The following ANKS1B variants were observed in gnomAD, a reference collection of about 807,000 sequenced individuals.
ANKS1B encodes the protein ankyrin repeat and sterile alpha motif domain containing 1B, also known as ankyrin repeat and sterile alpha motif domain-containing protein 1B.
ANKS1B carries 36 observed loss-of-function variants against 148.3 expected under a neutral mutation model. The ratio of observed to expected loss-of-function variants is 0.24; its 90% CI spans 0.19 to 0.32. The LOEUF (loss-of-function observed/expected upper bound fraction) is 0.32. Among genes scored for constraint, ANKS1B ranks in the 10% least tolerant of loss-of-function variants. The pLI is 1.00. For missense variants in ANKS1B, 1,157 were observed against 1,542.6 expected, an observed-to-expected ratio of 0.75 and a Z score of 4.19; for synonymous variants, 542 against 560.8, an observed-to-expected ratio of 0.97 and a Z score of 0.47.
chr12:99,638,322 A>G (rs894720328), intron 9 of ANKS1B, among the ~76,000 whole-genome samples: 1 of 152,012 alleles, frequency 6.6e-6, no homozygotes, highest in Admixed American at 6.6e-5. Context: ...GGAAGTTTGG[A>G]GCTTCCTAGA....
intron 13 of ANKS1B, among the ~76,000 whole-genome samples, chr12:99,245,351 C>T (rs1037759619): frequency 3.3e-5 from 5 of 152,084 alleles, no homozygotes; most frequent in Non-Finnish European, 7.4e-5. Flanking sequence ...AAAAACTAAC[C>T]ATCTACTAGT....
At chr12:99,604,111 A>G (rs1351185754) in intron 9 of ANKS1B, among the ~76,000 whole-genome samples, 4 of 152,126 alleles carry the variant, frequency 2.6e-5, no homozygotes, top group African/African-American at 9.7e-5. Flanking sequence ...AAGACTTAAA[A>G]TGATCATGGT....
At chr12:99,458,826 G>A (rs184034006) in intron 10 of ANKS1B, among the ~76,000 whole-genome samples, 3 of 151,690 alleles carry the variant, frequency 2.0e-5, no homozygotes, top group Admixed American at 1.3e-4. Flanking sequence ...AATTCTCTCA[G>A]ACATTCAAAG....
chr12:99,930,838 A>G (rs1477811905), intron 1 of ANKS1B, among the ~76,000 whole-genome samples: 1 of 152,214 alleles, frequency 6.6e-6, no homozygotes, highest in African/African-American at 2.4e-5. Flanking sequence ...CCATCCCATT[A>G]CTGGGTATAT....
chr12:99,171,132 T>C (rs1290038522), intron 14 of ANKS1B, among the ~76,000 whole-genome samples: 1 of 152,226 alleles, frequency 6.6e-6, no homozygotes, highest in Non-Finnish European at 1.5e-5. Flanking sequence ...TAGTATTCAT[T>C]TCTGTAGGAC....
chr12:99,780,168 G>A (rs1422303371), intron 5 of ANKS1B, among the ~76,000 whole-genome samples, 196 bp from the exon 6 acceptor site: 1 of 152,040 alleles, frequency 6.6e-6, no homozygotes, highest in Non-Finnish European at 1.5e-5. Flanking sequence ...ATTTTAGCAA[G>A]AAAGAAGGCA....
chr12:99,787,497 CTT>C (rs2065133110), intron 4 of ANKS1B, among the ~76,000 whole-genome samples: 1 of 152,076 alleles, frequency 6.6e-6, no homozygotes, highest in Non-Finnish European at 1.5e-5. Context: ...TAATAGGAGA[CTT>C]AATTAGGAGA....
intron 8 of ANKS1B, among the ~76,000 whole-genome samples, chr12:99,724,019 C>A (rs1363860378): frequency 6.6e-6 from 1 of 151,778 alleles, no homozygotes; most frequent in Admixed American, 6.6e-5. Flanking sequence ...AATATCAAAA[C>A]TAGACAAATT....
intron 16 of ANKS1B, among the ~76,000 whole-genome samples, chr12:99,056,181 C>G (rs1034643329): frequency 6.6e-6 from 1 of 152,190 alleles, no homozygotes; most frequent in African/African-American, 2.4e-5. Context: ...GAGAACAAAA[C>G]AGTCATAGTC....
chr12:99,893,931 A>G (rs2093255438), intron 1 of ANKS1B, among the ~76,000 whole-genome samples: 1 of 152,102 alleles, frequency 6.6e-6, no homozygotes, highest in African/African-American at 2.4e-5. Context: ...GCTCCTGTGA[A>G]TAGCACTATG....
intron 12 of ANKS1B, among the ~76,000 whole-genome samples, chr12:99,302,459 T>G (rs528016601): frequency 6.6e-6 from 1 of 152,194 alleles, no homozygotes; most frequent in Non-Finnish European, 1.5e-5. Flanking sequence ...AAAGGAAATG[T>G]TTTTTCAGAG....
rs189243391 is a variant in ANKS1B, at chr12:99,809,882, G to A, written c.372+2273C>T. ...CTTAGGCTTTGGATCAGAAAAACCT[G>A]CGTTCAAACACTGGCTGCATTTCTT... is the stretch of plus-strand genomic sequence containing the variant. On this transcript the variant is annotated intron_variant, in intron 3 of 26. Transcript: ENST00000683438. Among the ~76,000 whole-genome samples, 13 of 152,132 alleles carry A rather than the reference G, an allele frequency of 8.5e-5. No homozygotes were observed. In the East Asian group the frequency reaches 2.5e-3, roughly 29 times the overall value.
rs1359827725 is a variant in ANKS1B, at chr12:99,016,323, G to A, written c.2778+36834C>T. ...GCAAAGTAGGATACCATGATTGATA[G>A]ACCTTTTTGTAAAGTATACTCAGAT... On this transcript the variant is annotated intron_variant, in intron 17 of 26. Coordinates refer to ENST00000683438, the MANE Select transcript of ANKS1B (RefSeq NM_001352186.2). Among the ~76,000 whole-genome samples, 3 of 152,292 alleles carry A rather than the reference G, an allele frequency of 2.0e-5. No homozygotes were observed. In the East Asian group the frequency reaches 5.8e-4, roughly 29 times the overall value.
intron 17 of ANKS1B, among the ~76,000 whole-genome samples, chr12:99,033,945 G>A (rs1244886209): frequency 6.6e-6 from 1 of 152,228 alleles, no homozygotes; most frequent in African/African-American, 2.4e-5. Context: ...GTGCCCTGGA[G>A]AAGTGCTGAG....
chr12:99,225,277 T>G (rs2085726845), intron 14 of ANKS1B, among the ~76,000 whole-genome samples: 1 of 152,094 alleles, frequency 6.6e-6, no homozygotes, highest in Non-Finnish European at 1.5e-5. Context: ...TCTACACGCC[T>G]TGATAATATT....
intron 1 of ANKS1B, among the ~76,000 whole-genome samples, chr12:99,940,371 T>C (rs2094889135): frequency 6.6e-6 from 1 of 152,054 alleles, no homozygotes. Flanking sequence ...TGTAACAACG[T>C]TAAAAATCAG....
intron 22 of ANKS1B, among the ~76,000 whole-genome samples, chr12:98,796,261 A>C (rs1275292405): frequency 6.6e-6 from 1 of 152,236 alleles, no homozygotes; most frequent in African/African-American, 2.4e-5. Context: ...ATTTTGGCTA[A>C]AATGCATACT....
At chr12:99,093,457 C>A (rs1012133011) in intron 15 of ANKS1B, 1 of 152,228 alleles carries the variant, frequency 6.6e-6, no homozygotes, top group African/African-American at 2.4e-5. Flanking sequence ...AAATGAAGTT[C>A]TCAGGGCCAA....
chr12:99,584,242 C>T (rs1163506470), intron 9 of ANKS1B, among the ~76,000 whole-genome samples: 6 of 152,064 alleles, frequency 3.9e-5, no homozygotes, highest in Admixed American at 3.9e-4. Flanking sequence ...AAAACAAAGC[C>T]CAGGGAAATA....
Sources: allele counts gnomAD v4.1 joint callset (sites outside exome capture counted in the v4.1 genomes callset), GRCh38; gene constraint gnomAD v4.1.1; transcripts MANE v1.5; gene names NCBI Gene and HGNC (gene_info 2026-07-23, HGNC 2026-07-21).